SH3RF3: variants seen among roughly 807,000 people sequenced by gnomAD.
The protein encoded by SH3RF3 is SH3 domain containing ring finger 3, also known as E3 ubiquitin-protein ligase SH3RF3.
Under a neutral mutation model 66.3 loss-of-function variants are expected in SH3RF3, and 29 were observed. The observed-to-expected ratio is 0.44, with a 90% CI of 0.33 to 0.60. The LOEUF is 0.60. Ranked by LOEUF, SH3RF3 falls within the 20% of genes least tolerant of loss-of-function variation. SH3RF3 has a pLI of 0.04. For missense variants in SH3RF3, 1,194 were observed against 1,190.9 expected, an observed-to-expected ratio of 1.00 and a Z score of -0.04; for synonymous variants, 583 against 532.0, an observed-to-expected ratio of 1.10 and a Z score of -1.32.
At chr2:109,319,216 A>G (rs1451398467) in intron 1 of SH3RF3, among the ~76,000 whole-genome samples, 1 of 152,212 alleles carries the variant, frequency 6.6e-6, no homozygotes, top group African/African-American at 2.4e-5. Context: ...TGACAGTGGC[A>G]TCGTTTTGCA....
At chr2:109,225,207 T>C (rs1313641612) in intron 1 of SH3RF3, among the ~76,000 whole-genome samples, 1 of 152,204 alleles carries the variant, frequency 6.6e-6, no homozygotes, top group Non-Finnish European at 1.5e-5. Flanking sequence ...TGCCCCATTC[T>C]TGGCAACTGG....
chr2:109,218,226 C>T (rs1357724287), intron 1 of SH3RF3, among the ~76,000 whole-genome samples: 1 of 152,042 alleles, frequency 6.6e-6, no homozygotes, highest in East Asian at 1.9e-4. Context: ...CATCAGGGTC[C>T]TTCATGTGGC....
intron 1 of SH3RF3, among the ~76,000 whole-genome samples, chr2:109,321,420 G>A (rs1203002194): frequency 6.6e-6 from 1 of 152,154 alleles, no homozygotes; most frequent in Non-Finnish European, 1.5e-5. Flanking sequence ...TTGAGTTCAG[G>A]GCATACAGTT....
At chr2:109,304,373 ACATAATGTCCTC>A (rs1426711655) in intron 1 of SH3RF3, among the ~76,000 whole-genome samples, 1 of 152,132 alleles carries the variant, frequency 6.6e-6, no homozygotes, top group Non-Finnish European at 1.5e-5. Context: ...ATTTCGTTTA[ACATAATGTCCTC>A]CAAGTTCATC....
At chr2:109,314,539 C>T (rs921727303) in intron 1 of SH3RF3, among the ~76,000 whole-genome samples, 1 of 152,146 alleles carries the variant, frequency 6.6e-6, no homozygotes, top group Non-Finnish European at 1.5e-5. Flanking sequence ...ATGAATAGCA[C>T]CATCAACTAA....
At chr2:109,247,793 G>T (rs527858905) in intron 1 of SH3RF3, among the ~76,000 whole-genome samples, 1 of 152,136 alleles carries the variant, frequency 6.6e-6, no homozygotes, top group Non-Finnish European at 1.5e-5. Flanking sequence ...TTAACTCACT[G>T]TTGTGTGTGT....
chr2:109,254,408 T>C (rs1207026253), intron 1 of SH3RF3, among the ~76,000 whole-genome samples: 1 of 152,088 alleles, frequency 6.6e-6, no homozygotes. Context: ...ACATTCCTCA[T>C]TGGACTGTTG....
intron 3 of SH3RF3, among the ~76,000 whole-genome samples, chr2:109,397,121 C>G (rs1676168745): frequency 6.6e-6 from 1 of 152,158 alleles, no homozygotes; most frequent in South Asian, 2.1e-4. Context: ...GGCCCCAAAC[C>G]CAAAACAGTA....
chr2:109,278,192 A>G (rs907329973), intron 1 of SH3RF3, among the ~76,000 whole-genome samples: 1 of 149,966 alleles, frequency 6.7e-6, no homozygotes, highest in Non-Finnish European at 1.5e-5. Flanking sequence ...AAAAAAAATC[A>G]ATTTCAGTAA....
intron 6 of SH3RF3, among the ~76,000 whole-genome samples, chr2:109,433,582 A>G (rs1178800434): frequency 6.6e-6 from 1 of 152,204 alleles, no homozygotes; most frequent in Admixed American, 6.5e-5. Context: ...TCTTTGGAAC[A>G]AGGCTACAGT....
At chr2:109,250,600 G>GTAA (rs960805564) in intron 1 of SH3RF3, among the ~76,000 whole-genome samples, 16 of 151,476 alleles carry the variant, frequency 1.1e-4, no homozygotes, top group African/African-American at 2.7e-4. Context: ...AATAATAACA[G>GTAA]TAATAATAAT....
At chr2:109,430,661 T>C (rs1677182999) in intron 5 of SH3RF3, among the ~76,000 whole-genome samples, 1 of 152,244 alleles carries the variant, frequency 6.6e-6, no homozygotes, top group Non-Finnish European at 1.5e-5. Flanking sequence ...GACTTTTCCC[T>C]TAGTGGTATT....
At chr2:109,373,132 A>T (rs559088549) in intron 3 of SH3RF3, among the ~76,000 whole-genome samples, 2 of 151,476 alleles carry the variant, frequency 1.3e-5, no homozygotes, top group African/African-American at 2.4e-5. Context: ...ACACACACAC[A>T]CTCTCCTGTA....
chr2:109,329,278 C>T (rs954415360), intron 1 of SH3RF3, among the ~76,000 whole-genome samples: 1 of 152,142 alleles, frequency 6.6e-6, no homozygotes, highest in African/African-American at 2.4e-5. Context: ...TAAATCTCTC[C>T]ATCTGAGAAA....
intron 4 of SH3RF3, among the ~76,000 whole-genome samples, chr2:109,399,819 G>GCAGC (rs1338800741): frequency 1.3e-5 from 2 of 152,218 alleles, no homozygotes; most frequent in Non-Finnish European, 2.9e-5. Context: ...GGGTGACCCT[G>GCAGC]CAGCCACACT....
At chr2:109,211,731 G>A (rs563251349) in intron 1 of SH3RF3, among the ~76,000 whole-genome samples, 40 of 149,696 alleles carry the variant, frequency 2.7e-4, no homozygotes, top group Non-Finnish European at 5.0e-4. Flanking sequence ...TTCAACCTCC[G>A]CCTGCTGGGT....
intron 1 of SH3RF3, among the ~76,000 whole-genome samples, chr2:109,286,687 C>T (rs909390003): frequency 2.0e-5 from 3 of 152,330 alleles, no homozygotes; most frequent in Admixed American, 1.3e-4. Context: ...CATAGCTCAT[C>T]TGCTAGCAAA....
intron 1 of SH3RF3, among the ~76,000 whole-genome samples, chr2:109,260,089 A>G (rs1051915139): frequency 4.6e-5 from 7 of 152,034 alleles, no homozygotes; most frequent in Admixed American, 6.5e-5. Context: ...TACCTTTTTG[A>G]GAGTAGAGAG....
Position 109,493,089 on chromosome 2 carries a change from C to T in SH3RF3, c.2480+2153C>T, listed in dbSNP as rs1420396315. ...ACACACCACACATACACCATACATA[C>T]AAACATACACATACACCACAGATAC... On this transcript the variant is annotated intron_variant, in intron 9 of 9. Transcript: ENST00000309415. 3.1e-5 allele frequency among the ~76,000 whole-genome samples: 3 copies of T among 98,336 alleles called. No individual in the cohort carries two copies. The Admixed American group carries it at 3.6e-4, about 12-fold the overall frequency. The allele number at this position is 98,336 out of a possible 152,430, so 64.5% of individuals were successfully genotyped here.
Sources: gnomAD v4.1 joint callset for allele counts (sites outside exome capture counted in the v4.1 genomes callset) on GRCh38, gnomAD v4.1.1 for gene constraint, MANE v1.5 for transcripts, NCBI Gene and HGNC (gene_info 2026-07-23, HGNC 2026-07-21) for gene names.